Variants in CES4A observed in about 807,000 individuals in gnomAD.
CES4A encodes the protein carboxylesterase 4A.
A neutral mutation model predicts 65.4 loss-of-function variants in CES4A; 48 were observed. That is an observed-to-expected ratio of 0.73 (90% CI 0.58 to 0.93). The LOEUF (loss-of-function observed/expected upper bound fraction) is 0.93, where lower values mean the gene tolerates loss of function less well. Among genes scored for constraint, CES4A ranks in the 40% least tolerant of loss-of-function variants. The pLI, the probability that CES4A is intolerant of heterozygous loss-of-function variation, is 0.00. For missense variants in CES4A, 685 were observed against 728.5 expected, an observed-to-expected ratio of 0.94 and a Z score of 0.69; for synonymous variants, 247 against 281.8, an observed-to-expected ratio of 0.88 and a Z score of 1.24.
rs1457802002 is a variant in CES4A, at chr16:67,000,507, GCACGCACATGCGCACGCA to G, written c.261-123_261-106del. ...GCGGAGGCCTCCTGTACACGCACAC[GCACGCACATGCGCACGCA>G]CACGCACGCGCACAGACGCTGCCTG... On this transcript the variant is annotated intron_variant, in intron 2 of 13. Coordinates refer to ENST00000648724, the Ensembl canonical transcript of CES4A. The surrounding 1 kb of genome is among the most constrained non-coding windows in gnomAD (Gnocchi z 4.2). 61 of 1,442,624 alleles carry G rather than the reference GCACGCACATGCGCACGCA, an allele frequency of 4.2e-5. No homozygotes were observed. Among genetic ancestry groups the G allele is most frequent in the Non-Finnish European group, 5.5e-5 (60 of 1,097,506 alleles). 89.4% of individuals were successfully genotyped at this position (1,442,624 alleles called of 1,614,324 possible).
At position 67,000,184 on chromosome 16, in the gene CES4A, G is replaced by T. The variant is rs893227263; in HGVS notation, c.261-454G>T. On this transcript the variant is annotated intron_variant, in intron 2 of 13. Transcript: ENST00000648724. This position sits in a 1 kb window ranked among gnomAD's most constrained non-coding sequence, Gnocchi z 4.2. ...CATAGTCCGCCAGAGTGTGGCCGAGGAGTAGGAGGAGTGTGAAGAGGCTGG... is the reference window on the plus strand; with the variant it reads ...CATAGTCCGCCAGAGTGTGGCCGAGTAGTAGGAGGAGTGTGAAGAGGCTGG... 1.3e-5 allele frequency among the ~76,000 whole-genome samples: 2 copies of T among 152,210 alleles called. No individual in the cohort carries two copies. Among genetic ancestry groups the T allele is most frequent in the African/African-American group, 4.8e-5 (2 of 41,444 alleles).
rs575740182 is a variant in CES4A at position 67,000,968 on chromosome 16, C to T, written c.514C>T (p.Leu172Phe). Residue 172 changes from leucine (L) to phenylalanine (F), a missense_variant, in exon 4 of 14, where the codon CTC (leucine) becomes TTC (phenylalanine). Physicochemically the swap from Leu to Phe is conservative, Grantham distance 22 (BLOSUM62 0). Coordinates refer to ENST00000648724, the Ensembl canonical transcript of CES4A. The surrounding 1 kb of genome is among the most constrained non-coding windows in gnomAD (Gnocchi z 4.2). ...GGTGCTGGTGTTTCTGCAGCACAGG[C>T]TCGGCATCTTCGGCTTCCTGAGGTG... 5.0e-6 allele frequency: 8 copies of T among 1,613,040 alleles called. No individual in the cohort carries two copies. The South Asian group carries it at 8.8e-5, about 18-fold the overall frequency.
chr16:67,001,493 G>T lies in CES4A; in HGVS notation c.690+32G>T. 1 of 1,557,876 alleles carries T rather than the reference G, an allele frequency of 6.4e-7. No homozygotes were observed. The highest frequency in any genetic ancestry group is 1.2e-5 in the South Asian group (1 of 82,484). ...GCAATGCCCAGACGGACCGAGCACA[G>T]ACTTAGGCTCCTGCGTTCCCACAAA... On this transcript the variant is annotated intron_variant, in intron 5 of 13. Coordinates refer to ENST00000648724, the Ensembl canonical transcript of CES4A. The surrounding 1 kb of genome is among the most constrained non-coding windows in gnomAD (Gnocchi z 4.1).
chr16:67,004,095 C>A, exon 9 of CES4A: 1 of 1,614,056 alleles, frequency 6.2e-7, no homozygotes, highest in Non-Finnish European at 8.5e-7. Flanking sequence ...TTATCTGGTC[C>A]ATGAGCCCTG....
intron 2 of CES4A, among the ~76,000 whole-genome samples, chr16:66,997,338 A>G (rs1474229215): frequency 6.6e-6 from 1 of 152,146 alleles, no homozygotes; most frequent in Non-Finnish European, 1.5e-5. Flanking sequence ...CTGTCAAAAC[A>G]ATGGCTGTTT....
At chr16:67,005,432 C>G in intron 11 of CES4A, 39 bp downstream of exon 11, 1 of 1,602,848 alleles carries the variant, frequency 6.2e-7, no homozygotes. Context: ...CTGGCCCCGT[C>G]CACTCTCCAG....
chr16:66,999,342 G>A lies in CES4A; in HGVS notation c.261-1296G>A, dbSNP rs917142700. Among the ~76,000 whole-genome samples the A allele has an allele frequency of 5.3e-5, 8 of 152,210 alleles. No individual in the cohort carries two copies. In the East Asian group the frequency reaches 9.6e-4, roughly 18 times the overall value. ...AGCAAGGAGAAAAGGTGAGGTGGCC[G>A]GAGAGCCCATGCTACAAAAATACCC... On this transcript the variant is annotated intron_variant, in intron 2 of 13. Coordinates refer to ENST00000648724, the Ensembl canonical transcript of CES4A.
chr16:66,996,031 G>C (rs1445204629), intron 2 of CES4A: 1 of 684,116 alleles, frequency 1.5e-6, no homozygotes, highest in African/African-American at 1.8e-5. Flanking sequence ...GCTGCTGTTG[G>C]TTTTTGTTTT....
intron 10 of CES4A, 178 bp downstream of exon 10, chr16:67,005,051 CA>C: frequency 1.3e-6 from 1 of 745,078 alleles, no homozygotes; most frequent in Non-Finnish European, 2.2e-6. Context: ...CTCAGGGTCA[CA>C]GGGGCAGTTA....
chr16:67,005,033 G>A lies in CES4A; in HGVS notation c.1161+160G>A, dbSNP rs536381246. The A allele has an allele frequency of 1.8e-4, 135 of 737,232 alleles. 4 individuals carry two copies. The South Asian group carries it at 2.2e-3, about 12-fold the overall frequency. The allele number at this position is 737,232 out of a possible 1,614,324, so 45.7% of individuals were successfully genotyped here. Reference sequence around the variant, plus strand: ...TGTGGGATCAGATGACTGCTTACAGGTAAGGTGCTCAGGGTCACAGGGGCA... The same window carrying A: ...TGTGGGATCAGATGACTGCTTACAGATAAGGTGCTCAGGGTCACAGGGGCA... On this transcript the variant is annotated intron_variant, in intron 10 of 13. Coordinates refer to ENST00000648724, the Ensembl canonical transcript of CES4A.
chr16:66,997,040 G>A (rs1484886344), intron 2 of CES4A, among the ~76,000 whole-genome samples: 2 of 150,310 alleles, frequency 1.3e-5, no homozygotes, highest in Non-Finnish European at 2.9e-5. Context: ...ACTCCAGCCT[G>A]AGCCACAGAG....
intron 9 of CES4A, among the ~76,000 whole-genome samples, chr16:67,004,574 A>AACTCAGGATGGT (rs1965605981): frequency 6.6e-6 from 1 of 152,080 alleles, no homozygotes; most frequent in African/African-American, 2.4e-5. Flanking sequence ...CTCAGGATGG[A>AACTCAGGATGGT]CCCCCACTCA....
In CES4A at chr16:67,003,414, T is replaced by G; in HGVS notation, c.900+54T>G. 6.3e-7 allele frequency: 1 copy of G among 1,596,596 alleles called. No individual in the cohort carries two copies. Among genetic ancestry groups the G allele is most frequent in the Non-Finnish European group, 8.6e-7 (1 of 1,164,396 alleles). On this transcript the variant is annotated intron_variant, in intron 7 of 13. Transcript: ENST00000648724. This position sits in a 1 kb window ranked among gnomAD's most constrained non-coding sequence, Gnocchi z 4.2. ...TGGCTGCCTGAGGGCCATCCTCCTA[T>G]CCTGGTACCCAGCCACCCCCAACTA... is the stretch of plus-strand genomic sequence containing the variant.
At chr16:66,995,242 G>A (rs1272759116) in intron 1 of CES4A, among the ~76,000 whole-genome samples, 3 of 151,212 alleles carry the variant, frequency 2.0e-5, no homozygotes, top group East Asian at 3.9e-4. Context: ...TCTGGGAGGC[G>A]GAGCTTGCAG....
chr16:67,000,827 C>T lies in CES4A; in HGVS notation c.403-30C>T, dbSNP rs776369871. 6 of 1,559,562 alleles carry T rather than the reference C, an allele frequency of 3.8e-6. No individual in the cohort carries two copies. In the African/African-American group the frequency reaches 6.8e-5, roughly 18 times the overall value. ...CCGCGGTCCCACCGCCGCCCACCGC[C>T]CCGCTCAGATCCCGGCCTTCTTCGT... is the stretch of plus-strand genomic sequence containing the variant. On this transcript the variant is annotated intron_variant, in intron 3 of 13. Coordinates refer to ENST00000648724, the Ensembl canonical transcript of CES4A. The surrounding 1 kb of genome is among the most constrained non-coding windows in gnomAD (Gnocchi z 4.2).
Position 67,004,857 on chromosome 16 carries a change from G to A in CES4A, c.1145G>A (p.Ser382Asn), listed in dbSNP as rs563163767. The A allele has an allele frequency of 2.3e-5, 36 of 1,536,048 alleles. 1 individual carries two copies. The South Asian group carries it at 3.9e-4, about 17-fold the overall frequency. ...GAAACCATCACTAAGATGCTCTGGA[G>A]TACCCGCACCCTGTTGGTGAGGGAC... is the stretch of plus-strand genomic sequence containing the variant. Residue 382 changes from serine to asparagine, a missense_variant, in exon 10 of 14, where the codon AGT (serine) becomes AAT (asparagine). Coordinates refer to ENST00000648724, the Ensembl canonical transcript of CES4A.
Position 67,000,553 on chromosome 16 carries a change from T to G in CES4A, c.261-85T>G. ...CGCACGCGCACAGACGCTGCCTGGA[T>G]TTTGCTTTGGGTTCCGTCTTCTCAC... On this transcript the variant is annotated intron_variant, in intron 2 of 13. Transcript: ENST00000648724. The surrounding 1 kb of genome is among the most constrained non-coding windows in gnomAD (Gnocchi z 4.2). 1.3e-6 allele frequency: 2 copies of G among 1,481,572 alleles called. No individual in the cohort carries two copies. Among genetic ancestry groups the G allele is most frequent in the Non-Finnish European group, 1.8e-6 (2 of 1,109,740 alleles). 91.8% of individuals were successfully genotyped at this position (1,481,572 alleles called of 1,614,324 possible).
At chr16:66,992,937 C>T (rs535669922) in intron 1 of CES4A, among the ~76,000 whole-genome samples, 93 of 152,234 alleles carry the variant, frequency 6.1e-4, no homozygotes, top group Admixed American at 1.0e-3. Context: ...CCACCCGCCT[C>T]GGCCTCCCAA....
rs748005273 is a variant in CES4A, at chr16:67,000,783, A to G, written c.402+4A>G. 4 of 1,549,622 alleles carry G rather than the reference A, an allele frequency of 2.6e-6. No homozygotes were observed. The highest frequency in any genetic ancestry group is 1.2e-5 in the South Asian group (1 of 84,060). Reference sequence around the variant, plus strand: ...GCCCGGGGATCCCCAGCTGCCAGTGAGTGCCAGGTCTCCCGCGCCCGCGGT... The same window carrying G: ...GCCCGGGGATCCCCAGCTGCCAGTGGGTGCCAGGTCTCCCGCGCCCGCGGT... On this transcript the variant is annotated splice_donor_region_variant and intron_variant, in intron 3 of 13. Coordinates refer to ENST00000648724, the Ensembl canonical transcript of CES4A. This position sits in a 1 kb window ranked among gnomAD's most constrained non-coding sequence, Gnocchi z 4.2.
Sources: allele counts gnomAD v4.1 joint callset (sites outside exome capture counted in the v4.1 genomes callset), GRCh38; gene constraint gnomAD v4.1.1; non-coding constraint Gnocchi (gnomAD v3.1); transcripts MANE v1.5; gene names NCBI Gene and HGNC (gene_info 2026-07-23, HGNC 2026-07-21).